Variants in UVRAG observed in about 807,000 individuals in gnomAD.
The protein encoded by UVRAG is UV radiation resistance-associated gene protein.
In UVRAG, 19 loss-of-function variants were observed where a neutral mutation model predicts 78.0. The ratio of observed to expected loss-of-function variants is 0.24; its 90% CI spans 0.17 to 0.36. The LOEUF (loss-of-function observed/expected upper bound fraction) is 0.36, where lower values mean the gene tolerates loss of function less well. Ranked by LOEUF, UVRAG falls within the 10% of genes least tolerant of loss-of-function variation. UVRAG has a pLI of 1.00. For synonymous variants in UVRAG, 323 were observed against 324.6 expected, an observed-to-expected ratio of 1.00 and a Z score of 0.05; for missense variants, 740 against 853.8, an observed-to-expected ratio of 0.87 and a Z score of 1.66.
chr11:75,915,702 G>A (rs1292695284), intron 6 of UVRAG, among the ~76,000 whole-genome samples: 1 of 152,172 alleles, frequency 6.6e-6, no homozygotes, highest in Non-Finnish European at 1.5e-5. Context: ...AAATCTCTTA[G>A]TATGATTCCT....
chr11:76,125,626 C>T (rs1024417844), intron 14 of UVRAG, among the ~76,000 whole-genome samples: 4 of 152,188 alleles, frequency 2.6e-5, no homozygotes, highest in Admixed American at 6.5e-5. Flanking sequence ...GGTATCCCGG[C>T]GCCGCCTCTC....
chr11:75,971,006 C>T (rs902539107), intron 7 of UVRAG, among the ~76,000 whole-genome samples: 2 of 152,138 alleles, frequency 1.3e-5, no homozygotes, highest in African/African-American at 2.4e-5. Flanking sequence ...AATATCCTAT[C>T]CTCCACGTGT....
In UVRAG at chr11:76,109,857, T is replaced by G. The variant is rs539882659; in HGVS notation, c.1306-6067T>G. Among the ~76,000 whole-genome samples, 28 of 152,342 alleles carry G rather than the reference T, an allele frequency of 1.8e-4. No individual in the cohort carries two copies. In the East Asian group the frequency reaches 4.8e-3, roughly 26 times the overall value. On this transcript the variant is annotated intron_variant, in intron 13 of 14. Coordinates refer to ENST00000356136, the MANE Select transcript of UVRAG (RefSeq NM_003369.4). The stretch of plus-strand genomic sequence containing the variant: ...AAGTTTGCCCAAGCAAGGAAGGAGT[T>G]TGCGTGACCATACAGCAGAGCTGGG...
intron 8 of UVRAG, among the ~76,000 whole-genome samples, chr11:75,997,286 C>G (rs1185813554): frequency 6.6e-6 from 1 of 152,222 alleles, no homozygotes; most frequent in Non-Finnish European, 1.5e-5. Context: ...TGGCCATTGG[C>G]CAGTCTCAGA....
chr11:76,032,521 G>A (rs1429550713), intron 12 of UVRAG, among the ~76,000 whole-genome samples: 1 of 152,166 alleles, frequency 6.6e-6, no homozygotes, highest in African/African-American at 2.4e-5. Flanking sequence ...TGTTTATTGA[G>A]CACTAGGACA....
chr11:75,832,937 G>A (rs1239201880), intron 1 of UVRAG, among the ~76,000 whole-genome samples: 1 of 152,132 alleles, frequency 6.6e-6, no homozygotes, highest in Non-Finnish European at 1.5e-5. Flanking sequence ...GGAGCTGTGT[G>A]CTAGAAACCA....
chr11:75,923,677 C>T (rs1416429297), intron 6 of UVRAG, among the ~76,000 whole-genome samples: 3 of 152,162 alleles, frequency 2.0e-5, no homozygotes, highest in Non-Finnish European at 2.9e-5. Flanking sequence ...GGTAAATCTT[C>T]TTTCAATCCC....
At chr11:75,948,033 A>C (rs930469544) in intron 6 of UVRAG, among the ~76,000 whole-genome samples, 1 of 152,186 alleles carries the variant, frequency 6.6e-6, no homozygotes, top group African/African-American at 2.4e-5. Context: ...TTGCCAGGCT[A>C]AAACAACAGA....
intron 11 of UVRAG, among the ~76,000 whole-genome samples, chr11:76,014,790 G>C (rs1950117743): frequency 6.6e-6 from 1 of 152,114 alleles, no homozygotes; most frequent in African/African-American, 2.4e-5. Flanking sequence ...GTTTCTCTTA[G>C]TTCTATTATT....
chr11:76,044,334 A>G (rs894204247), intron 12 of UVRAG, among the ~76,000 whole-genome samples: 4 of 152,256 alleles, frequency 2.6e-5, no homozygotes, highest in African/African-American at 9.6e-5. Context: ...TAACCAGTAC[A>G]TATAAAGCCC....
chr11:75,946,526 C>G (rs1401233395), intron 6 of UVRAG, among the ~76,000 whole-genome samples: 1 of 152,300 alleles, frequency 6.6e-6, no homozygotes, highest in East Asian at 1.9e-4. Context: ...TTGGGAACAG[C>G]TGACTTGGTT....
At chr11:76,008,692 A>G in intron 10 of UVRAG, 115 bp from the exon 11 acceptor site, 2 of 516,164 alleles carry the variant, frequency 3.9e-6, no homozygotes, top group South Asian at 4.0e-5. Flanking sequence ...AACAATTATG[A>G]TAATACTTGG....
At chr11:76,004,235 T>A in intron 9 of UVRAG, 146 bp downstream of exon 9, 1 of 722,606 alleles carries the variant, frequency 1.4e-6, no homozygotes, top group Non-Finnish European at 2.3e-6. Flanking sequence ...ACATATTCAT[T>A]AATTAAGCAC....
chr11:75,883,746 G>T (rs1047358836), intron 4 of UVRAG, among the ~76,000 whole-genome samples: 1 of 152,170 alleles, frequency 6.6e-6, no homozygotes, highest in African/African-American at 2.4e-5. Flanking sequence ...AGCTTGTATA[G>T]AATCAGGGAG....
intron 14 of UVRAG, among the ~76,000 whole-genome samples, chr11:76,128,394 G>C (rs188823175): frequency 6.6e-6 from 1 of 152,126 alleles, no homozygotes. Flanking sequence ...CCATGAAACC[G>C]GTCCCTGCTG....
chr11:75,969,839 A>G (rs1444458398), intron 7 of UVRAG, among the ~76,000 whole-genome samples: 2 of 152,198 alleles, frequency 1.3e-5, no homozygotes, highest in East Asian at 3.8e-4. Context: ...ACCATGATGC[A>G]TCTCACTGAG....
intron 13 of UVRAG, among the ~76,000 whole-genome samples, chr11:76,100,225 C>G (rs1367096958): frequency 1.3e-5 from 2 of 152,098 alleles, no homozygotes; most frequent in Admixed American, 6.6e-5. Flanking sequence ...GAGATAAAGT[C>G]AGAAATGATT....
At chr11:75,950,816 T>C (rs921978635) in intron 6 of UVRAG, among the ~76,000 whole-genome samples, 27 of 152,196 alleles carry the variant, frequency 1.8e-4, no homozygotes, top group African/African-American at 6.5e-4. Context: ...TGAGCACCAT[T>C]TCATGTGCTA....
At chr11:76,002,327 T>C (rs932302782) in intron 8 of UVRAG, among the ~76,000 whole-genome samples, 1 of 152,208 alleles carries the variant, frequency 6.6e-6, no homozygotes, top group South Asian at 2.1e-4. Context: ...TGTGGTATGT[T>C]ACATTTTGTT....
Sources: allele counts gnomAD v4.1 joint callset (sites outside exome capture counted in the v4.1 genomes callset), GRCh38; gene constraint gnomAD v4.1.1; transcripts MANE v1.5; gene names NCBI Gene and HGNC (gene_info 2026-07-23, HGNC 2026-07-21).